Variants in ERBB4 observed in about 807,000 individuals in gnomAD.
ERBB4 encodes erb-b2 receptor tyrosine kinase 4.
ERBB4 carries 42 observed loss-of-function variants against 158.0 expected under a neutral mutation model. The ratio of observed to expected loss-of-function variants is 0.27; its 90% confidence interval spans 0.21 to 0.34. The LOEUF (loss-of-function observed/expected upper bound fraction) is 0.34. Ranked by LOEUF, ERBB4 falls within the 10% of genes least tolerant of loss-of-function variation. The probability of loss-of-function intolerance (pLI) is 1.00; values close to 1 mark genes in which losing one functional copy is unlikely to be tolerated. For missense variants in ERBB4, 1,333 were observed against 1,624.1 expected (o/e 0.82, Z 3.08); for synonymous variants, 583 against 558.7 (o/e 1.04, Z -0.61).
intron 1 of ERBB4, among the ~76,000 whole-genome samples, chr2:212,427,557 T>C (rs945082010): frequency 9.2e-5 from 14 of 152,144 alleles, no homozygotes; most frequent in African/African-American, 3.1e-4. Context: ...TTATGCCATA[T>C]GGGAAAAACA....
chr2:211,457,273 T>C (rs1275660441), intron 20 of ERBB4, among the ~76,000 whole-genome samples: 1 of 152,234 alleles, frequency 6.6e-6, no homozygotes, highest in Non-Finnish European at 1.5e-5. Context: ...TTTGAAATTA[T>C]CTATTTAAAA....
At chr2:212,158,978 T>C (rs1165143073) in intron 1 of ERBB4, among the ~76,000 whole-genome samples, 2 of 151,984 alleles carry the variant, frequency 1.3e-5, no homozygotes, top group Admixed American at 6.6e-5. Context: ...TTAAATAATA[T>C]TGATAATGTT....
At chr2:212,365,822 AAT>A (rs1247848845) in intron 1 of ERBB4, among the ~76,000 whole-genome samples, 2 of 151,868 alleles carry the variant, frequency 1.3e-5, no homozygotes, top group Non-Finnish European at 2.9e-5. Flanking sequence ...AGGACTCACA[AAT>A]AACTGTAAGT....
chr2:212,241,818 C>G lies in ERBB4; in HGVS notation c.83-116915G>C, dbSNP rs78748512. Among the ~76,000 whole-genome samples the G allele has an allele frequency of 4.8e-3, 732 of 152,082 alleles. 6 individuals are homozygous for G. The highest frequency in any genetic ancestry group is 0.017 in the Middle Eastern group (5 of 290). On this transcript the variant is annotated intron_variant, in intron 1 of 27. Coordinates refer to ENST00000342788, the MANE Select transcript of ERBB4 (RefSeq NM_005235.3). ...TAGAGCAACTTAATCTTATTTTCATCATGTTTCTATTTAATGTGTATATGT... is the reference window on the plus strand; with the variant it reads ...TAGAGCAACTTAATCTTATTTTCATGATGTTTCTATTTAATGTGTATATGT...
intron 1 of ERBB4, among the ~76,000 whole-genome samples, chr2:212,218,052 C>T (rs1296208938): frequency 6.6e-6 from 1 of 151,206 alleles, no homozygotes; most frequent in Admixed American, 6.6e-5. Context: ...TCTGTGACAT[C>T]ATGTGACATG....
At chr2:212,292,745 A>G (rs1225446717) in intron 1 of ERBB4, among the ~76,000 whole-genome samples, 1 of 152,102 alleles carries the variant, frequency 6.6e-6, no homozygotes, top group Non-Finnish European at 1.5e-5. Flanking sequence ...AGATTAGTGA[A>G]AAGTTGTTTA....
chr2:212,467,460 G>A (rs2106101890), intron 1 of ERBB4, among the ~76,000 whole-genome samples: 1 of 152,304 alleles, frequency 6.6e-6, no homozygotes. Flanking sequence ...TGTTCCAGAT[G>A]TGGCTGAAGG....
intron 1 of ERBB4, among the ~76,000 whole-genome samples, chr2:212,534,681 T>G (rs1037174653): frequency 2.0e-5 from 3 of 152,014 alleles, no homozygotes; most frequent in African/African-American, 7.3e-5. Flanking sequence ...ACATGTAAAC[T>G]CAATAAATAC....
At chr2:211,956,037 T>C (rs903692355) in intron 2 of ERBB4, among the ~76,000 whole-genome samples, 11 of 144,398 alleles carry the variant, frequency 7.6e-5, no homozygotes, top group Admixed American at 7.5e-4. Flanking sequence ...AAAGTGTGTG[T>C]GTGTGTGTGT....
At chr2:211,867,024 C>CAAAAAAAAAAAAAA (rs386392490) in intron 3 of ERBB4, among the ~76,000 whole-genome samples, 10 of 60,632 alleles carry the variant, frequency 1.6e-4, no homozygotes, top group East Asian at 6.3e-4. Context: ...TCCTTAAAAC[C>CAAAAAAAAAAAAAA]AAAAAAAAAA....
intron 14 of ERBB4, among the ~76,000 whole-genome samples, chr2:211,669,594 A>T (rs1184509256): frequency 6.6e-6 from 1 of 152,208 alleles, no homozygotes; most frequent in East Asian, 1.9e-4. Context: ...TAAATAAAAT[A>T]TAGAAGACCA....
intron 20 of ERBB4, among the ~76,000 whole-genome samples, chr2:211,548,773 T>C (rs2067006093): frequency 1.3e-5 from 2 of 152,104 alleles, no homozygotes; most frequent in African/African-American, 2.4e-5. Flanking sequence ...AGAGAATCCT[T>C]AGGGTTCCAT....
rs144854712 is a variant in ERBB4, at chr2:211,559,145, C to T, written c.2487+2758G>A. Among the ~76,000 whole-genome samples, 787 of 152,238 alleles carry T rather than the reference C, an allele frequency of 5.2e-3. 8 individuals are homozygous for T. The highest frequency in any genetic ancestry group is 0.018 in the African/African-American group (758 of 41,530). ...ATGATCTCACCGTACTCCCCTCCCT[C>T]ACCACTCATAGCTAATCAATAATTG... On this transcript the variant is annotated intron_variant, in intron 20 of 27. Transcript: ENST00000342788.
intron 2 of ERBB4, among the ~76,000 whole-genome samples, chr2:211,960,376 G>A (rs1033337519): frequency 4.6e-5 from 7 of 151,994 alleles, no homozygotes; most frequent in African/African-American, 1.7e-4. Context: ...ATAAACCTAC[G>A]AGTTCATAAT....
chr2:212,367,701 T>C (rs1263438217), intron 1 of ERBB4, among the ~76,000 whole-genome samples: 3 of 151,992 alleles, frequency 2.0e-5, no homozygotes, highest in Admixed American at 6.6e-5. Flanking sequence ...GAAAAAGGAC[T>C]AATACCCAGA....
intron 3 of ERBB4, among the ~76,000 whole-genome samples, chr2:211,940,111 C>A (rs1206886934): frequency 6.6e-6 from 1 of 151,976 alleles, no homozygotes. Flanking sequence ...CTAGCCCCAG[C>A]ATTGTTGTGC....
chr2:212,410,250 A>C (rs1249170217), intron 1 of ERBB4, among the ~76,000 whole-genome samples: 1 of 119,122 alleles, frequency 8.4e-6, no homozygotes, highest in East Asian at 2.0e-4. Context: ...TGCTATGTTT[A>C]TTTGTGTTAG....
intron 1 of ERBB4, among the ~76,000 whole-genome samples, chr2:212,204,615 T>G (rs2082682425): frequency 1.3e-5 from 2 of 151,160 alleles, no homozygotes; most frequent in Non-Finnish European, 2.9e-5. Context: ...AAGAATTGCG[T>G]GAACCTTGGA....
chr2:212,294,001 C>CA (rs1239058552), intron 1 of ERBB4, among the ~76,000 whole-genome samples: 5 of 151,702 alleles, frequency 3.3e-5, no homozygotes, highest in Admixed American at 2.0e-4. Flanking sequence ...AAATCAGAAT[C>CA]AGAATTGACA....
Sources: allele counts gnomAD v4.1 joint callset (sites outside exome capture counted in the v4.1 genomes callset), GRCh38; gene constraint gnomAD v4.1.1; transcripts MANE v1.5; gene names NCBI Gene and HGNC (gene_info 2026-07-23, HGNC 2026-07-21).